The following EYS variants were observed in gnomAD, a reference collection of about 807,000 sequenced individuals.
EYS encodes EGF-like photoreceptor maintenance factor, also known as protein eyes shut homolog.
Under a neutral mutation model 282.1 loss-of-function variants are expected in EYS, and 250 were observed. The ratio of observed to expected loss-of-function variants is 0.89; its 90% CI spans 0.80 to 0.98. The LOEUF is 0.98. Ranked by LOEUF, EYS falls within the 50% of genes least tolerant of loss-of-function variation. The pLI, the probability that EYS is intolerant of heterozygous loss-of-function variation, is 0.00. For missense variants in EYS, 4,016 were observed against 3,709.0 expected, an observed-to-expected ratio of 1.08 and a Z score of -2.15; for synonymous variants, 1,355 against 1,282.9, an observed-to-expected ratio of 1.06 and a Z score of -1.20.
At chr6:64,410,340 A>G (rs1582718059) in intron 28 of EYS, among the ~76,000 whole-genome samples, 1 of 152,254 alleles carries the variant, frequency 6.6e-6, no homozygotes, top group East Asian at 1.9e-4. Context: ...CTGAGACTGA[A>G]TATGATTTTT....
At chr6:63,909,571 T>A (rs1170772786) in intron 35 of EYS, among the ~76,000 whole-genome samples, 1 of 152,204 alleles carries the variant, frequency 6.6e-6, no homozygotes, top group African/African-American at 2.4e-5. Context: ...TGACATCAAG[T>A]TGGTATCTTG....
chr6:63,960,317 A>C (rs900620881), intron 35 of EYS, among the ~76,000 whole-genome samples: 1 of 152,328 alleles, frequency 6.6e-6, no homozygotes, highest in African/African-American at 2.4e-5. Flanking sequence ...ATGGAGCCTG[A>C]AGATACGACT....
chr6:64,629,564 TTTTCTACACAGAGA>T (rs1767715864), intron 22 of EYS, among the ~76,000 whole-genome samples: 1 of 152,132 alleles, frequency 6.6e-6, no homozygotes, highest in South Asian at 2.1e-4. Flanking sequence ...TATTTTATAG[TTTTCTACACAGAGA>T]TATTATAAAT....
At chr6:64,298,890 T>C (rs750322792) in intron 30 of EYS, among the ~76,000 whole-genome samples, 1 of 152,158 alleles carries the variant, frequency 6.6e-6, no homozygotes, top group Non-Finnish European at 1.5e-5. Flanking sequence ...GGTTGCTAGC[T>C]TAATATCAGA....
intron 14 of EYS, among the ~76,000 whole-genome samples, chr6:64,980,474 A>T (rs555158788): frequency 6.6e-6 from 1 of 151,618 alleles, no homozygotes; most frequent in South Asian, 2.1e-4. Flanking sequence ...TTTATTGTAC[A>T]TTAGTAAAAC....
At chr6:65,223,597 G>A (rs964191774) in intron 12 of EYS, among the ~76,000 whole-genome samples, 11 of 152,094 alleles carry the variant, frequency 7.2e-5, no homozygotes, top group Admixed American at 2.6e-4. Context: ...GGTTGCTGAG[G>A]GATTGGATCT....
chr6:65,593,348 T>G (rs556325162), intron 2 of EYS, among the ~76,000 whole-genome samples: 15 of 152,138 alleles, frequency 9.9e-5, no homozygotes, highest in African/African-American at 3.4e-4. Context: ...ACTTTTTGCT[T>G]CTCTATAATA....
At chr6:64,480,996 T>TGA (rs1489436970) in intron 26 of EYS, among the ~76,000 whole-genome samples, 33 of 151,736 alleles carry the variant, frequency 2.2e-4, no homozygotes, top group Admixed American at 5.9e-4. Flanking sequence ...CAAATAACCT[T>TGA]GATGTCTATT....
chr6:64,579,820 A>G (rs1766002669), intron 26 of EYS, among the ~76,000 whole-genome samples: 1 of 152,104 alleles, frequency 6.6e-6, no homozygotes, highest in African/African-American at 2.4e-5. Flanking sequence ...TCTGGAATCA[A>G]GCACTATACT....
chr6:65,467,402 A>G (rs2150414053), intron 5 of EYS, among the ~76,000 whole-genome samples: 1 of 152,186 alleles, frequency 6.6e-6, no homozygotes, highest in South Asian at 2.1e-4. Flanking sequence ...GATGCCCAAC[A>G]TTCAATGCCA....
At chr6:64,818,522 G>A (rs1017808799) in intron 21 of EYS, among the ~76,000 whole-genome samples, 2 of 152,088 alleles carry the variant, frequency 1.3e-5, no homozygotes, top group African/African-American at 4.8e-5. Flanking sequence ...AAGCCAGTCC[G>A]AGTCCCAAAA....
At chr6:64,981,980 C>G (rs747986204) in intron 14 of EYS, among the ~76,000 whole-genome samples, 3 of 151,284 alleles carry the variant, frequency 2.0e-5, no homozygotes, top group Non-Finnish European at 4.4e-5. Context: ...CCTTTTTAAA[C>G]GAGGCAACTC....
intron 19 of EYS, among the ~76,000 whole-genome samples, chr6:64,858,935 C>A (rs1583230548): frequency 6.6e-6 from 1 of 152,050 alleles, no homozygotes; most frequent in Admixed American, 6.5e-5. Flanking sequence ...ATAAGCATGT[C>A]CATCCTCACC....
chr6:64,074,256 T>C (rs1166431216), intron 32 of EYS, among the ~76,000 whole-genome samples: 2 of 151,518 alleles, frequency 1.3e-5, no homozygotes, highest in Non-Finnish European at 3.0e-5. Flanking sequence ...TAGATTCCAG[T>C]ATCTAAATGT....
At chr6:65,528,229 T>C (rs538364236) in intron 2 of EYS, among the ~76,000 whole-genome samples, 3 of 152,338 alleles carry the variant, frequency 2.0e-5, no homozygotes, top group Non-Finnish European at 4.4e-5. Context: ...TCTCTGTTTC[T>C]GATTGTTAGG....
chr6:63,891,724 G>T (rs1206197348), intron 35 of EYS, among the ~76,000 whole-genome samples: 1 of 152,144 alleles, frequency 6.6e-6, no homozygotes, highest in East Asian at 1.9e-4. Context: ...ACTATTGGAA[G>T]TTCTGGCCAG....
chr6:65,329,636 T>C, intron 11 of EYS: 3 of 982,160 alleles, frequency 3.1e-6, no homozygotes, highest in Non-Finnish European at 3.6e-6. Context: ...AAAGTTTGCA[T>C]AGTATAGCCA....
intron 30 of EYS, among the ~76,000 whole-genome samples, chr6:64,275,951 C>T (rs1448941660): frequency 6.7e-6 from 1 of 149,192 alleles, no homozygotes; most frequent in East Asian, 2.0e-4. Flanking sequence ...GATGACAGAG[C>T]GAGACTCCAT....
chr6:64,140,393 T>A (rs775796488), intron 31 of EYS, among the ~76,000 whole-genome samples: 2 of 152,224 alleles, frequency 1.3e-5, no homozygotes, highest in Non-Finnish European at 1.5e-5. Flanking sequence ...ACACAGCATA[T>A]GATGTTTAAT....
Sources: gnomAD v4.1 joint callset for allele counts (sites outside exome capture counted in the v4.1 genomes callset) on GRCh38, gnomAD v4.1.1 for gene constraint, MANE v1.5 for transcripts, NCBI Gene and HGNC (gene_info 2026-07-23, HGNC 2026-07-21) for gene names.